The following TMEM266 variants were observed in gnomAD, a reference collection of about 807,000 sequenced individuals.
TMEM266 encodes Hv1 related protein 1.
A neutral mutation model predicts 50.5 loss-of-function variants in TMEM266; 33 were observed. The observed-to-expected ratio is 0.65, with a 90% CI of 0.50 to 0.87. TMEM266 has a LOEUF of 0.87. Ranked by LOEUF, TMEM266 falls within the 40% of genes least tolerant of loss-of-function variation. The probability of loss-of-function intolerance (pLI) is 0.00; values close to 1 mark genes in which losing one functional copy is unlikely to be tolerated. For synonymous variants in TMEM266, 310 were observed against 292.3 expected (o/e 1.06, Z -0.62); for missense variants, 655 against 695.1 (o/e 0.94, Z 0.65).
chr15:76,192,282 C>A, intron 9 of TMEM266, 125 bp downstream of exon 9: 1 of 888,522 alleles, frequency 1.1e-6, no homozygotes, highest in Non-Finnish European at 1.6e-6. Flanking sequence ...CCCTCCTTCA[C>A]TCGTGATTGG....
intron 1 of TMEM266, among the ~76,000 whole-genome samples, chr15:76,120,521 G>A (rs374034036): frequency 6.6e-6 from 1 of 152,230 alleles, no homozygotes; most frequent in East Asian, 1.9e-4. Flanking sequence ...AGCACTATAG[G>A]AGGCCGAGAC....
intron 1 of TMEM266, among the ~76,000 whole-genome samples, chr15:76,129,830 T>G (rs2037478656): frequency 6.6e-6 from 1 of 152,126 alleles, no homozygotes; most frequent in Non-Finnish European, 1.5e-5. Context: ...ATATTAATCA[T>G]AATGTGTGGC....
intron 4 of TMEM266, among the ~76,000 whole-genome samples, chr15:76,159,869 G>A (rs752287152): frequency 2.6e-5 from 4 of 151,928 alleles, no homozygotes; most frequent in Middle Eastern, 6.8e-3. Context: ...AGTCCCTTGC[G>A]TCGGAGGCAA....
chr15:76,103,752 A>T (rs539573941), intron 1 of TMEM266, among the ~76,000 whole-genome samples: 1 of 151,710 alleles, frequency 6.6e-6, no homozygotes, highest in Non-Finnish European at 1.5e-5. Context: ...TCTCTACTAA[A>T]AATACAAAAA....
At chr15:76,179,845 C>G (rs1052470544) in intron 8 of TMEM266, among the ~76,000 whole-genome samples, 1 of 152,146 alleles carries the variant, frequency 6.6e-6, no homozygotes, top group Non-Finnish European at 1.5e-5. Context: ...TCCCAGTGCT[C>G]TGGAAGGCTG....
intron 10 of TMEM266, 23 bp downstream of exon 10, chr15:76,202,287 C>G (rs2038761099): frequency 1.3e-6 from 2 of 1,598,068 alleles, no homozygotes; most frequent in Non-Finnish European, 1.7e-6. Flanking sequence ...TGGGGCTGTT[C>G]TACATGTGCC....
chr15:76,085,570 T>G (rs2036764949), intron 1 of TMEM266, among the ~76,000 whole-genome samples: 1 of 151,998 alleles, frequency 6.6e-6, no homozygotes, highest in Admixed American at 6.6e-5. Context: ...CAGATTTGCA[T>G]TTTCAAAAGA....
intron 1 of TMEM266, among the ~76,000 whole-genome samples, chr15:76,121,333 G>A (rs2037342570): frequency 6.6e-6 from 1 of 152,096 alleles, no homozygotes; most frequent in Non-Finnish European, 1.5e-5. Flanking sequence ...TAATGTATCA[G>A]TGCTCTATTG....
At chr15:76,164,210 T>A (rs950483995) in intron 5 of TMEM266, among the ~76,000 whole-genome samples, 1 of 152,208 alleles carries the variant, frequency 6.6e-6, no homozygotes, top group African/African-American at 2.4e-5. Context: ...CAGCACACTT[T>A]CTTTTTTCTT....
intron 8 of TMEM266, among the ~76,000 whole-genome samples, chr15:76,178,104 A>C (rs1352030188): frequency 6.6e-6 from 1 of 152,076 alleles, no homozygotes; most frequent in Non-Finnish European, 1.5e-5. Flanking sequence ...AGGCTTGGGA[A>C]GGGGCTCTGT....
intron 9 of TMEM266, among the ~76,000 whole-genome samples, chr15:76,195,178 C>A (rs1326804014): frequency 6.6e-6 from 1 of 152,192 alleles, no homozygotes; most frequent in Non-Finnish European, 1.5e-5. Context: ...TCCCTGGCAA[C>A]CTTACACCGA....
At chr15:76,081,322 G>A (rs1376536377) in intron 1 of TMEM266, among the ~76,000 whole-genome samples, 1 of 152,192 alleles carries the variant, frequency 6.6e-6, no homozygotes, top group Non-Finnish European at 1.5e-5. Context: ...CCAATAAGAG[G>A]ATAATGTGTT....
intron 8 of TMEM266, 47 bp from the exon 9 acceptor site, chr15:76,191,921 C>T (rs769237281): frequency 4.6e-6 from 7 of 1,512,804 alleles, no homozygotes; most frequent in African/African-American, 2.9e-5. Flanking sequence ...TGGAGGCCCC[C>T]GCCGGCCCCT....
intron 3 of TMEM266, among the ~76,000 whole-genome samples, chr15:76,154,646 C>T (rs1179121586): frequency 2.0e-5 from 3 of 152,200 alleles, no homozygotes; most frequent in Non-Finnish European, 4.4e-5. Flanking sequence ...TCCTCCTTTG[C>T]CTGTTGATGT....
chr15:76,089,119 A>T, intron 1 of TMEM266, among the ~76,000 whole-genome samples: 1 of 137,448 alleles, frequency 7.3e-6, no homozygotes, highest in Non-Finnish European at 1.6e-5. Context: ...AAAAAAGAGG[A>T]AAAAGAAAAG....
At chr15:76,117,544 T>G (rs913050666) in intron 1 of TMEM266, among the ~76,000 whole-genome samples, 1 of 152,206 alleles carries the variant, frequency 6.6e-6, no homozygotes, top group African/African-American at 2.4e-5. Flanking sequence ...TGGATCAGTT[T>G]GGGTCTTAGA....
In TMEM266 at chr15:76,137,693, C is replaced by T. The variant is rs376759726; in HGVS notation, c.39-14C>T. On this transcript the variant is annotated splice_polypyrimidine_tract_variant and intron_variant, in intron 2 of 10. Transcript: ENST00000388942. ...AAGATAACTCTTTCCCATTGTTCCT[C>T]CTCTCCAACCCAGGCCTGCCATAGA... The T allele has an allele frequency of 6.2e-7, 1 of 1,613,234 alleles. No individual in the cohort carries two copies. Among genetic ancestry groups the T allele is most frequent in the African/African-American group, 1.3e-5 (1 of 74,996 alleles).
chr15:76,186,606 G>A (rs892965238), intron 8 of TMEM266, among the ~76,000 whole-genome samples: 8 of 152,134 alleles, frequency 5.3e-5, no homozygotes, highest in African/African-American at 1.4e-4. Flanking sequence ...TCGCACCTCC[G>A]AGGTAATTCT....
chr15:76,133,507 G>A (rs1208953347), intron 1 of TMEM266, among the ~76,000 whole-genome samples: 2 of 152,204 alleles, frequency 1.3e-5, no homozygotes, highest in East Asian at 3.8e-4. Context: ...CTAAGTGTCA[G>A]ACGCTATGCT....
Sources: allele counts gnomAD v4.1 joint callset (sites outside exome capture counted in the v4.1 genomes callset), GRCh38; gene constraint gnomAD v4.1.1; transcripts MANE v1.5; gene names NCBI Gene and HGNC (gene_info 2026-07-23, HGNC 2026-07-21).